IFT81: variants seen among roughly 807,000 people sequenced by gnomAD.
The protein encoded by IFT81 is intraflagellar transport protein 81 homolog.
A neutral mutation model predicts 102.6 loss-of-function variants in IFT81; 72 were observed. That is an observed-to-expected ratio of 0.70 (90% CI 0.58 to 0.85). The LOEUF (loss-of-function observed/expected upper bound fraction) is 0.85, where lower values mean the gene tolerates loss of function less well. Ranked by LOEUF, IFT81 falls within the 40% of genes least tolerant of loss-of-function variation. The pLI is 0.00. For missense variants in IFT81, 723 were observed against 787.3 expected, an observed-to-expected ratio of 0.92 and a Z score of 0.98; for synonymous variants, 237 against 242.7, an observed-to-expected ratio of 0.98 and a Z score of 0.22.
Position 110,127,374 on chromosome 12 carries a change from C to T in IFT81, c.-7C>T. 1.3e-6 allele frequency: 2 copies of T among 1,534,308 alleles called. No homozygotes were observed. Among genetic ancestry groups the T allele is most frequent in the Non-Finnish European group, 1.7e-6 (2 of 1,147,002 alleles). Reference sequence around the variant, plus strand: ...TTACTCTTTAGTTAAAATTATAAGACCTAATTATGAGTGATCAAATTAAAT... The same window carrying T: ...TTACTCTTTAGTTAAAATTATAAGATCTAATTATGAGTGATCAAATTAAAT... On this transcript the variant is annotated 5_prime_UTR_variant, in exon 2 of 19. Transcript: ENST00000242591.
At chr12:110,175,468 A>G (rs1234004454) in intron 11 of IFT81, among the ~76,000 whole-genome samples, 1 of 152,230 alleles carries the variant, frequency 6.6e-6, no homozygotes, top group Admixed American at 6.5e-5. Context: ...ATCTGCAGCC[A>G]TATAAATTGA....
chr12:110,131,768 G>A (rs1311303899), intron 4 of IFT81, among the ~76,000 whole-genome samples: 4 of 152,096 alleles, frequency 2.6e-5, no homozygotes, highest in Non-Finnish European at 5.9e-5. Flanking sequence ...TATGATGGAG[G>A]GAGACAGACA....
At chr12:110,126,687 A>C (rs1397247592) in intron 1 of IFT81, among the ~76,000 whole-genome samples, 1 of 152,212 alleles carries the variant, frequency 6.6e-6, no homozygotes, top group Non-Finnish European at 1.5e-5. Flanking sequence ...TTTTGTGCGC[A>C]ATAAGGAGCA....
intron 11 of IFT81, among the ~76,000 whole-genome samples, chr12:110,176,042 GTT>G (rs1375409463): frequency 6.6e-6 from 1 of 151,888 alleles, no homozygotes; most frequent in Non-Finnish European, 1.5e-5. Flanking sequence ...CTGTGTCTAT[GTT>G]TCCACGACTC....
At chr12:110,216,671 C>T (rs1019688630) in intron 18 of IFT81, 20 of 433,246 alleles carry the variant, frequency 4.6e-5, no homozygotes, top group African/African-American at 3.5e-4. Flanking sequence ...CCACCATGTC[C>T]GGCTAATTTT....
intron 14 of IFT81, among the ~76,000 whole-genome samples, chr12:110,198,050 A>G (rs1898094092): frequency 6.6e-6 from 1 of 152,166 alleles, no homozygotes; most frequent in East Asian, 1.9e-4. Flanking sequence ...AGTAGTTGTT[A>G]TGGTGGTTGT....
At chr12:110,172,311 T>TCCTCTGCCTCCG (rs1470523107) in intron 11 of IFT81, among the ~76,000 whole-genome samples, 1 of 147,634 alleles carries the variant, frequency 6.8e-6, no homozygotes, top group Non-Finnish European at 1.5e-5. Context: ...TGCCTCTGCC[T>TCCTCTGCCTCCG]CCTCTGCCTC....
chr12:110,143,302 G>C, intron 8 of IFT81, 80 bp from the exon 9 acceptor site: 1 of 832,532 alleles, frequency 1.2e-6, no homozygotes, highest in South Asian at 3.9e-5. Context: ...CCGTATCCAG[G>C]TCTTATATTT....
At chr12:110,185,783 A>G (rs1369573584) in intron 12 of IFT81, among the ~76,000 whole-genome samples, 1 of 151,418 alleles carries the variant, frequency 6.6e-6, no homozygotes, top group Non-Finnish European at 1.5e-5. Flanking sequence ...TTTTTTTTTC[A>G]GACATGGGGT....
chr12:110,176,969 T>G (rs1053940898), intron 11 of IFT81, among the ~76,000 whole-genome samples: 1 of 152,254 alleles, frequency 6.6e-6, no homozygotes, highest in Non-Finnish European at 1.5e-5. Flanking sequence ...TTGGGCACTT[T>G]GCCCAGGACA....
intron 18 of IFT81, among the ~76,000 whole-genome samples, chr12:110,215,339 C>T (rs1224189645): frequency 2.6e-5 from 4 of 151,300 alleles, no homozygotes; most frequent in East Asian, 1.9e-4. Context: ...CACTGCATTT[C>T]GTTCTATGTG....
At chr12:110,184,089 G>A (rs541688525) in intron 12 of IFT81, among the ~76,000 whole-genome samples, 11 of 152,252 alleles carry the variant, frequency 7.2e-5, no homozygotes, top group African/African-American at 2.2e-4. Context: ...GGTGGCTCAC[G>A]CCTGTAATCC....
intron 10 of IFT81, among the ~76,000 whole-genome samples, chr12:110,159,630 A>T (rs918518627): frequency 2.0e-5 from 3 of 152,240 alleles, no homozygotes; most frequent in Admixed American, 6.5e-5. Context: ...ATCCGGACCT[A>T]TAATTCCTCT....
chr12:110,160,037 C>T (rs57530940), intron 10 of IFT81, among the ~76,000 whole-genome samples: 12,177 of 152,196 alleles, frequency 0.08, 532 homozygotes, highest in Middle Eastern at 0.11. Flanking sequence ...TTGGGTGCTT[C>T]CTACTCCACC....
intron 15 of IFT81, 197 bp from the exon 16 acceptor site, chr12:110,205,246 T>C: frequency 2.3e-6 from 1 of 438,958 alleles, no homozygotes; most frequent in Non-Finnish European, 3.9e-6. Context: ...AAAATACAAT[T>C]GAACTTGCAG....
At chr12:110,209,531 G>A (rs1869132736) in intron 18 of IFT81, among the ~76,000 whole-genome samples, 1 of 152,174 alleles carries the variant, frequency 6.6e-6, no homozygotes, top group African/African-American at 2.4e-5. Context: ...CACTTTGGAA[G>A]GCCAAGGCCA....
chr12:110,160,656 G>A (rs1366590267), intron 10 of IFT81, among the ~76,000 whole-genome samples: 1 of 152,118 alleles, frequency 6.6e-6, no homozygotes, highest in African/African-American at 2.4e-5. Context: ...TGCTTTACCA[G>A]CCACCTAGGC....
intron 11 of IFT81, among the ~76,000 whole-genome samples, chr12:110,171,703 T>G (rs532940461): frequency 3.3e-4 from 51 of 152,344 alleles, no homozygotes; most frequent in African/African-American, 1.1e-3. Context: ...CTTTGAACAT[T>G]TTCTCTTGCC....
chr12:110,208,812 T>C (rs2137598629), intron 17 of IFT81, among the ~76,000 whole-genome samples: 3 of 152,338 alleles, frequency 2.0e-5, no homozygotes, highest in Middle Eastern at 6.8e-3. Flanking sequence ...TTAATGTTTA[T>C]TTAAAATGTA....
Sources: allele counts gnomAD v4.1 joint callset (sites outside exome capture counted in the v4.1 genomes callset), GRCh38; gene constraint gnomAD v4.1.1; transcripts MANE v1.5; gene names NCBI Gene and HGNC (gene_info 2026-07-23, HGNC 2026-07-21).